The following FNDC10 variants were observed in gnomAD, a reference collection of about 807,000 sequenced individuals.
FNDC10 encodes the protein fibronectin type III domain-containing protein 10.
Under a neutral mutation model 11.6 loss-of-function variants are expected in FNDC10, and 8 were observed. The ratio of observed to expected loss-of-function variants is 0.69; its 90% CI spans 0.41 to 1.25. The LOEUF is 1.25. Among genes scored for constraint, FNDC10 ranks in the 50% most tolerant of loss-of-function variants. The pLI, the probability that FNDC10 is intolerant of heterozygous loss-of-function variation, is 0.01. For missense variants in FNDC10, 308 were observed against 330.2 expected (o/e 0.93, Z 0.52); for synonymous variants, 187 against 162.9 (o/e 1.15, Z -1.12).
rs1206802519 is a variant in FNDC10 at position 1,600,021 on chromosome 1, G to A, written c.-6C>T. ...AGCAGCGGCGGGGCGCGCATCCTGC[G>A]GCGGGGCCACGGGGCGCGGCGCTGG... On this transcript the variant is annotated 5_prime_UTR_variant, in exon 1 of 1. Coordinates refer to ENST00000422725, the MANE Select transcript of FNDC10 (RefSeq NM_001242659.2). 1 of 979,440 alleles carries A rather than the reference G, an allele frequency of 1.0e-6. No individual in the cohort carries two copies. The highest frequency in any genetic ancestry group is 1.8e-5 in the African/African-American group (1 of 56,514). The allele number at this position is 979,440 out of a possible 1,614,324, so 60.7% of individuals were successfully genotyped here.
Position 1,599,589 on chromosome 1 carries a change from G to A in FNDC10, c.427C>T (p.Leu143Phe). 2.0e-6 allele frequency: 3 copies of A among 1,509,658 alleles called. No individual in the cohort carries two copies. The highest frequency in any genetic ancestry group is 2.6e-6 in the Non-Finnish European group (3 of 1,136,564). 93.5% of individuals were successfully genotyped at this position (1,509,658 alleles called of 1,614,324 possible). A position where few individuals can be genotyped will look rare whatever the true frequency, so the allele number is the denominator to read the frequency against. Residue 143 changes from leucine (L) to phenylalanine (F), a missense_variant, in exon 1 of 1, where the codon CTC becomes TTC. Transcript: ENST00000422725. The surrounding 1 kb of genome is among the most constrained non-coding windows in gnomAD (Gnocchi z 6.7). ...YLLPDVHDSV[L>F]YRLCLQPLPL... Reference sequence around the variant, plus strand: ...AGCGGCTGCAGGCACAGGCGGTAGAGGACGCTGTCGTGCACGTCGGGCAGC... The same window carrying A: ...AGCGGCTGCAGGCACAGGCGGTAGAAGACGCTGTCGTGCACGTCGGGCAGC...
Position 1,599,794 on chromosome 1 carries a change from C to T in FNDC10, c.222G>A (p.Pro74=). 8.2e-7 allele frequency: 1 copy of T among 1,214,324 alleles called. No homozygotes were observed. Among genetic ancestry groups the T allele is most frequent in the Non-Finnish European group, 1.0e-6 (1 of 979,922 alleles). 75.2% of individuals were successfully genotyped at this position (1,214,324 alleles called of 1,614,324 possible). Residue 74 remains proline, a synonymous_variant, in exon 1 of 1, where the codon CCG becomes CCA. Transcript: ENST00000422725. This position sits in a 1 kb window ranked among gnomAD's most constrained non-coding sequence, Gnocchi z 6.7. ...CGCTGGCGCGCAGGGAGCGGCCGGC[C>T]GGGGCGTGCAGCACGCAGCCCGGAG... ...CQAPGCVLHA[P]AGRSLRASVL...
chr1:1,599,728 G>A lies in FNDC10; in HGVS notation c.288C>T (p.Ala96=). The A allele has an allele frequency of 7.5e-7, 1 of 1,326,992 alleles. No individual in the cohort carries two copies. Among genetic ancestry groups the A allele is most frequent in the Non-Finnish European group, 9.6e-7 (1 of 1,046,518 alleles). The allele number at this position is 1,326,992 out of a possible 1,614,324, so 82.2% of individuals were successfully genotyped here. Residue 96 remains alanine, a synonymous_variant, in exon 1 of 1, where the codon GCC becomes GCT. Coordinates refer to ENST00000422725, the MANE Select transcript of FNDC10 (RefSeq NM_001242659.2). The surrounding 1 kb of genome is among the most constrained non-coding windows in gnomAD (Gnocchi z 6.7). The part of the protein sequence containing the change: ...NRSVLLQWRL[A]PAAARRVRAF... ...CGCGCACGCGGCGCGCGGCGGCCGGGGCCAGGCGCCACTGCAGGAGGACGC... is the reference window on the plus strand; with the variant it reads ...CGCGCACGCGGCGCGCGGCGGCCGGAGCCAGGCGCCACTGCAGGAGGACGC...
In FNDC10 at chr1:1,599,026, C is replaced by G. The variant is rs898179582; in HGVS notation, c.*309G>C. On this transcript the variant is annotated 3_prime_UTR_variant, in exon 1 of 1. Coordinates refer to ENST00000422725, the MANE Select transcript of FNDC10 (RefSeq NM_001242659.2). This position sits in a 1 kb window ranked among gnomAD's most constrained non-coding sequence, Gnocchi z 6.7. ...GCGGGGTGAGCCGGAGTGCCCATGG[C>G]TCTTGCTGGAAGGGGCTCCATGCCC... 1 of 440,296 alleles carries G rather than the reference C, an allele frequency of 2.3e-6. No homozygotes were observed. Among genetic ancestry groups the G allele is most frequent in the African/African-American group, 2.1e-5 (1 of 48,284 alleles). 27.3% of individuals were successfully genotyped at this position (440,296 alleles called of 1,614,324 possible).
rs1643081379 is a variant in FNDC10 at position 1,599,213 on chromosome 1, G to A, written c.*122C>T. 1.0e-6 allele frequency: 1 copy of A among 984,120 alleles called. No individual in the cohort carries two copies. Among genetic ancestry groups the A allele is most frequent in the Non-Finnish European group, 1.4e-6 (1 of 702,084 alleles). The allele number at this position is 984,120 out of a possible 1,614,324, so 61.0% of individuals were successfully genotyped here. On this transcript the variant is annotated 3_prime_UTR_variant, in exon 1 of 1. Coordinates refer to ENST00000422725, the MANE Select transcript of FNDC10 (RefSeq NM_001242659.2). The surrounding 1 kb of genome is among the most constrained non-coding windows in gnomAD (Gnocchi z 6.7). ...CAAAGTGCCGGAGCCGTCGCCGGCA[G>A]GTCCTCCTCCGCGGGGATCTTAAGG...
At position 1,598,876 on chromosome 1, in the gene FNDC10, A is replaced by C; in HGVS notation, c.*459T>G. ...GCCCGAGATACTAAGGCACGAAGCT[A>C]ACCTAAGCCCAGTGGGGTGGGGCGG... On this transcript the variant is annotated 3_prime_UTR_variant, in exon 1 of 1. Transcript: ENST00000422725. 6.0e-6 allele frequency: 1 copy of C among 166,446 alleles called. No individual in the cohort carries two copies. The highest frequency in any genetic ancestry group is 1.3e-5 in the Non-Finnish European group (1 of 77,956). 10.3% of individuals were successfully genotyped at this position (166,446 alleles called of 1,614,324 possible).
In FNDC10 at chr1:1,598,134, G is replaced by A. The variant is rs1386201043; in HGVS notation, c.*1201C>T. 1 of 152,530 alleles carries A rather than the reference G, an allele frequency of 6.6e-6. No homozygotes were observed. Among genetic ancestry groups the A allele is most frequent in the Non-Finnish European group, 1.5e-5 (1 of 68,270 alleles). The allele number at this position is 152,530 out of a possible 1,614,324, so 9.4% of individuals were successfully genotyped here. A position where few individuals can be genotyped will look rare whatever the true frequency, so the allele number is the denominator to read the frequency against. On this transcript the variant is annotated 3_prime_UTR_variant, in exon 1 of 1. Coordinates refer to ENST00000422725, the MANE Select transcript of FNDC10 (RefSeq NM_001242659.2). ...ACAGGTGTCACACGGCACCAGCCAG[G>A]GCCCGGGGTGGCTGGGGTGAGGATG...
rs1643093447 is a variant in FNDC10, at chr1:1,599,917, G to C, written c.99C>G (p.Asp33Glu). 1 of 1,001,142 alleles carries C rather than the reference G, an allele frequency of 1.0e-6. No individual in the cohort carries two copies. The highest frequency in any genetic ancestry group is 1.2e-6 in the Non-Finnish European group (1 of 842,146). 62.0% of individuals were successfully genotyped at this position (1,001,142 alleles called of 1,614,324 possible). ...PTPPGWEPTP[D>E]APWCPYKVLP... ...GCACCTTGTAGGGGCACCAGGGCGC[G>C]TCGGGGGTCGGCTCCCAGCCCGGCG... Residue 33 changes from aspartate (D) to glutamate (E), a missense_variant, in exon 1 of 1, where the codon GAC becomes GAG. Asp to Glu is a conservative substitution (Grantham distance 45). Transcript: ENST00000422725. The surrounding 1 kb of genome is among the most constrained non-coding windows in gnomAD (Gnocchi z 6.7).
chr1:1,600,081 C>G lies in FNDC10; in HGVS notation c.-66G>C. ...GCCGCGCCGCCGCCGTCCCCGCTGC[C>G]CGCTCCCCGCGATCCCCGGCGCGCC... is the stretch of plus-strand genomic sequence containing the variant. On this transcript the variant is annotated 5_prime_UTR_variant, in exon 1 of 1. Coordinates refer to ENST00000422725, the MANE Select transcript of FNDC10 (RefSeq NM_001242659.2). 1.2e-6 allele frequency: 1 copy of G among 839,520 alleles called. No homozygotes were observed. Among genetic ancestry groups the G allele is most frequent in the Non-Finnish European group, 1.4e-6 (1 of 700,326 alleles). 52.0% of individuals were successfully genotyped at this position (839,520 alleles called of 1,614,324 possible). A position where few individuals can be genotyped will look rare whatever the true frequency, so the allele number is the denominator to read the frequency against.
Position 1,598,968 on chromosome 1 carries a change from T to A in FNDC10, c.*367A>T. On this transcript the variant is annotated 3_prime_UTR_variant, in exon 1 of 1. Transcript: ENST00000422725. ...CACAGTGACCGAGCAATGGCGACGG[T>A]CTGTCTGGGACAATTCGGCACAGGA... 1 of 277,050 alleles carries A rather than the reference T, an allele frequency of 3.6e-6. No homozygotes were observed. Among genetic ancestry groups the A allele is most frequent in the Non-Finnish European group, 6.7e-6 (1 of 148,234 alleles). The allele number at this position is 277,050 out of a possible 1,614,324, so 17.2% of individuals were successfully genotyped here.
chr1:1,599,759 T>C lies in FNDC10; in HGVS notation c.257A>G (p.Asn86Ser). Residue 86 changes from asparagine (N) to serine (S), a missense_variant, in exon 1 of 1, where the codon AAC becomes AGC. By Grantham distance (46) the Asn-to-Ser change is conservative (BLOSUM62 1). Transcript: ENST00000422725. The surrounding 1 kb of genome is among the most constrained non-coding windows in gnomAD (Gnocchi z 6.7). ...GCGCCACTGCAGGAGGACGCTGCGG[T>C]TGCGCAGGACGCTGGCGCGCAGGGA... ...GRSLRASVLRNRSVLLQWRLA... is the reference protein window; with the variant it reads ...GRSLRASVLRSRSVLLQWRLA... 1 of 1,292,112 alleles carries C rather than the reference T, an allele frequency of 7.7e-7. No individual in the cohort carries two copies. The highest frequency in any genetic ancestry group is 9.7e-7 in the Non-Finnish European group (1 of 1,026,124). The allele number at this position is 1,292,112 out of a possible 1,614,324, so 80.0% of individuals were successfully genotyped here.
In FNDC10 at chr1:1,599,560, C is replaced by A. The variant is rs1320200492; in HGVS notation, c.456G>T (p.Pro152=). The A allele has an allele frequency of 6.6e-7, 1 of 1,506,294 alleles. No individual in the cohort carries two copies. The highest frequency in any genetic ancestry group is 1.2e-5 in the South Asian group (1 of 80,732). 93.3% of individuals were successfully genotyped at this position (1,506,294 alleles called of 1,614,324 possible). A position where few individuals can be genotyped will look rare whatever the true frequency, so the allele number is the denominator to read the frequency against. ...CGGCGGCGGCGGGCCCAGCGCGCAG[C>A]GGCAGCGGCTGCAGGCACAGGCGGT... is the stretch of plus-strand genomic sequence containing the variant. ...VLYRLCLQPL[P]LRAGPAAAAP... Residue 152 remains proline (P), a synonymous_variant, in exon 1 of 1, where the codon CCG becomes CCT. Coordinates refer to ENST00000422725, the MANE Select transcript of FNDC10 (RefSeq NM_001242659.2). The surrounding 1 kb of genome is among the most constrained non-coding windows in gnomAD (Gnocchi z 6.7).
Position 1,599,390 on chromosome 1 carries a change from G to A in FNDC10, c.626C>T (p.Thr209Ile). ...GAGGGCCGGGCGCATGAGGTTCTCG[G>A]TGATGTAGGCCACCAGCAGGCAGAT... ...VVICLLVAYI[T>I]ENLMRPALAR... Residue 209 changes from threonine (T) to isoleucine (I), a missense_variant, in exon 1 of 1, where the codon ACC (threonine) becomes ATC (isoleucine). Coordinates refer to ENST00000422725, the MANE Select transcript of FNDC10 (RefSeq NM_001242659.2). This position sits in a 1 kb window ranked among gnomAD's most constrained non-coding sequence, Gnocchi z 6.7. The A allele has an allele frequency of 6.5e-7, 1 of 1,533,256 alleles. No individual in the cohort carries two copies. The highest frequency in any genetic ancestry group is 8.7e-7 in the Non-Finnish European group (1 of 1,145,996). 95.0% of individuals were successfully genotyped at this position (1,533,256 alleles called of 1,614,324 possible). A position where few individuals can be genotyped will look rare whatever the true frequency, so the allele number is the denominator to read the frequency against.
rs1643077461 is a variant in FNDC10, at chr1:1,598,882, A to G, written c.*453T>C. 1 of 169,812 alleles carries G rather than the reference A, an allele frequency of 5.9e-6. No individual in the cohort carries two copies. Among genetic ancestry groups the G allele is most frequent in the Non-Finnish European group, 1.2e-5 (1 of 80,202 alleles). 10.5% of individuals were successfully genotyped at this position (169,812 alleles called of 1,614,324 possible). A position where few individuals can be genotyped will look rare whatever the true frequency, so the allele number is the denominator to read the frequency against. On this transcript the variant is annotated 3_prime_UTR_variant, in exon 1 of 1. Transcript: ENST00000422725. ...GATACTAAGGCACGAAGCTAACCTA[A>G]GCCCAGTGGGGTGGGGCGGGGCAGG...
chr1:1,599,531 G>T lies in FNDC10; in HGVS notation c.485C>A (p.Pro162Gln). The T allele has an allele frequency of 6.6e-7, 1 of 1,509,234 alleles. No homozygotes were observed. Among genetic ancestry groups the T allele is most frequent in the Non-Finnish European group, 8.8e-7 (1 of 1,137,854 alleles). 93.5% of individuals were successfully genotyped at this position (1,509,234 alleles called of 1,614,324 possible). The stretch of plus-strand genomic sequence containing the variant: ...GCACTCGGCCGGCTCGGGGGTCTCT[G>T]GCGCGGCGGCGGCGGGCCCAGCGCG... ...PLRAGPAAAA[P>Q]ETPEPAECVE... Residue 162 changes from proline (P) to glutamine (Q), a missense_variant, in exon 1 of 1, where the codon CCA becomes CAA. By Grantham distance (76) the Pro-to-Gln change is moderately conservative. Transcript: ENST00000422725. This position sits in a 1 kb window ranked among gnomAD's most constrained non-coding sequence, Gnocchi z 6.7.
In FNDC10 at chr1:1,599,296, C is replaced by A; in HGVS notation, c.*39G>T. 1.4e-6 allele frequency: 2 copies of A among 1,451,248 alleles called. No homozygotes were observed. Among genetic ancestry groups the A allele is most frequent in the Non-Finnish European group, 1.8e-6 (2 of 1,107,730 alleles). 89.9% of individuals were successfully genotyped at this position (1,451,248 alleles called of 1,614,324 possible). On this transcript the variant is annotated 3_prime_UTR_variant, in exon 1 of 1. Coordinates refer to ENST00000422725, the MANE Select transcript of FNDC10 (RefSeq NM_001242659.2). This position sits in a 1 kb window ranked among gnomAD's most constrained non-coding sequence, Gnocchi z 6.7. ...GAGGACCTGGGAGCTCAGGCGCCCT[C>A]AGGCAGGTGGCGCAAAGATGGGCGG... is the stretch of plus-strand genomic sequence containing the variant.
chr1:1,599,349 G>A lies in FNDC10; in HGVS notation c.667C>T (p.Arg223Cys). The A allele has an allele frequency of 2.0e-6, 3 of 1,517,760 alleles. No homozygotes were observed. Among genetic ancestry groups the A allele is most frequent in the East Asian group, 2.5e-5 (1 of 39,582 alleles). The allele number at this position is 1,517,760 out of a possible 1,614,324, so 94.0% of individuals were successfully genotyped here. A position where few individuals can be genotyped will look rare whatever the true frequency, so the allele number is the denominator to read the frequency against. ...MRPALARPGL[R>C]RHP ...GGCCTCGCGCTTCAGGGGTGTCTGC[G>A]CAGGCCGGGGCGCGCGAGGGCCGGG... Residue 223 changes from arginine to cysteine, a missense_variant, in exon 1 of 1, where the codon CGC (arginine) becomes TGC (cysteine). Arg to Cys is a radical substitution (Grantham distance 180). Transcript: ENST00000422725. This position sits in a 1 kb window ranked among gnomAD's most constrained non-coding sequence, Gnocchi z 6.7.
In FNDC10 at chr1:1,599,647, G is replaced by C; in HGVS notation, c.369C>G (p.Arg123=). 3 of 1,476,914 alleles carry C rather than the reference G, an allele frequency of 2.0e-6. No individual in the cohort carries two copies. Among genetic ancestry groups the C allele is most frequent in the Non-Finnish European group, 2.7e-6 (3 of 1,117,534 alleles). The allele number at this position is 1,476,914 out of a possible 1,614,324, so 91.5% of individuals were successfully genotyped here. ...RGAYTRFPCE[R]VLLGASCRDY... Reference sequence around the variant, plus strand: ...CGCGGCAGGAGGCCCCGAGGAGCACGCGCTCGCACGGGAAGCGCGTGTAGG... The same window carrying C: ...CGCGGCAGGAGGCCCCGAGGAGCACCCGCTCGCACGGGAAGCGCGTGTAGG... The change falls in exon 1 of 1, where the codon CGC becomes CGG. Residue 123 remains arginine, a synonymous_variant. Transcript: ENST00000422725. The surrounding 1 kb of genome is among the most constrained non-coding windows in gnomAD (Gnocchi z 6.7).
At position 1,598,022 on chromosome 1, in the gene FNDC10, AATG is replaced by A. The variant is rs1643066690; in HGVS notation, c.*1310_*1312del. ...ACACAGACAGCTCTGTTGGTCTGAG[AATG>A]ATGGACATTTAGACACTGGCGCCAG... On this transcript the variant is annotated 3_prime_UTR_variant, in exon 1 of 1. Coordinates refer to ENST00000422725, the MANE Select transcript of FNDC10 (RefSeq NM_001242659.2). 6.6e-6 allele frequency: 1 copy of A among 152,276 alleles called. No individual in the cohort carries two copies. The highest frequency in any genetic ancestry group is 1.5e-5 in the Non-Finnish European group (1 of 68,078). The allele number at this position is 152,276 out of a possible 1,614,324, so 9.4% of individuals were successfully genotyped here. A position where few individuals can be genotyped will look rare whatever the true frequency, so the allele number is the denominator to read the frequency against.
Sources: gnomAD v4.1 joint callset for allele counts on GRCh38, gnomAD v4.1.1 for gene constraint, Gnocchi (gnomAD v3.1) non-coding constraint, MANE v1.5 for transcripts, NCBI Gene and HGNC (gene_info 2026-07-23, HGNC 2026-07-21) for gene names.